The following KIF13B variants were observed in gnomAD, a reference collection of about 807,000 sequenced individuals.
KIF13B encodes kinesin-like protein KIF13B.
A neutral mutation model predicts 222.0 loss-of-function variants in KIF13B; 127 were observed. That is an observed-to-expected ratio of 0.57 (90% CI 0.50 to 0.66). The LOEUF is 0.66. Among genes scored for constraint, KIF13B ranks in the 30% least tolerant of loss-of-function variants. KIF13B has a pLI of 0.00. For synonymous variants in KIF13B, 976 were observed against 919.0 expected (o/e 1.06, Z -1.12); for missense variants, 2,173 against 2,379.0 (o/e 0.91, Z 1.80).
At chr8:29,107,598 T>C (rs1025003616) in intron 35 of KIF13B, among the ~76,000 whole-genome samples, 14 of 150,654 alleles carry the variant, frequency 9.3e-5, no homozygotes, top group Admixed American at 4.6e-4. Context: ...GTCTCGCTGT[T>C]GCCCAGGCTG....
intron 2 of KIF13B, among the ~76,000 whole-genome samples, chr8:29,229,847 G>T (rs773300766): frequency 6.6e-6 from 1 of 152,126 alleles, no homozygotes; most frequent in Non-Finnish European, 1.5e-5. Flanking sequence ...AAAAGCAAAA[G>T]GGCATCATTT....
chr8:29,137,586 G>T (rs1488126033), intron 21 of KIF13B, among the ~76,000 whole-genome samples: 1 of 152,188 alleles, frequency 6.6e-6, no homozygotes, highest in Non-Finnish European at 1.5e-5. Context: ...CACTCACCAC[G>T]CATGACATCT....
intron 12 of KIF13B, among the ~76,000 whole-genome samples, chr8:29,163,182 A>G (rs764223734): frequency 6.6e-5 from 10 of 152,260 alleles, no homozygotes; most frequent in African/African-American, 1.4e-4. Context: ...AGTTCTTTCT[A>G]TGCAAAAATA....
At chr8:29,255,323 G>C (rs1363578822) in intron 1 of KIF13B, among the ~76,000 whole-genome samples, 1 of 152,124 alleles carries the variant, frequency 6.6e-6, no homozygotes, top group Non-Finnish European at 1.5e-5. Flanking sequence ...GATGACCCCA[G>C]TACCCTCAAT....
In KIF13B at chr8:29,067,539, C is replaced by A. The variant is rs541591677; in HGVS notation, c.*2965G>T. The A allele has an allele frequency of 1.3e-5, 2 of 150,468 alleles. No homozygotes were observed. Among genetic ancestry groups the A allele is most frequent in the East Asian group, 3.8e-4 (2 of 5,198 alleles). The allele number at this position is 150,468 out of a possible 1,614,324, so 9.3% of individuals were successfully genotyped here. A position where few individuals can be genotyped will look rare whatever the true frequency, so the allele number is the denominator to read the frequency against. ...CACACATAGAGAAGCTGTTCCAAGACCCCCCAACACCATTAGTGTCTGCAG... is the reference window on the plus strand; with the variant it reads ...CACACATAGAGAAGCTGTTCCAAGAACCCCCAACACCATTAGTGTCTGCAG... On this transcript the variant is annotated 3_prime_UTR_variant, in exon 40 of 40. Transcript: ENST00000524189.
intron 2 of KIF13B, among the ~76,000 whole-genome samples, chr8:29,231,036 A>G (rs1815262607): frequency 6.6e-6 from 1 of 152,052 alleles, no homozygotes; most frequent in African/African-American, 2.4e-5. Context: ...ATGCACCACC[A>G]TGCCCAGGTG....
At chr8:29,167,183 T>TA (rs1279308085) in intron 11 of KIF13B, among the ~76,000 whole-genome samples, 190 bp downstream of exon 11, 1 of 152,226 alleles carries the variant, frequency 6.6e-6, no homozygotes, top group Non-Finnish European at 1.5e-5. Context: ...TTAACATCTG[T>TA]AAAACCTCTT....
chr8:29,244,183 T>C (rs1312704007), intron 2 of KIF13B, among the ~76,000 whole-genome samples: 1 of 152,078 alleles, frequency 6.6e-6, no homozygotes, highest in Non-Finnish European at 1.5e-5. Flanking sequence ...CCGGCTAATT[T>C]TTTGTATTTT....
At chr8:29,223,241 C>T (rs182508025) in intron 2 of KIF13B, among the ~76,000 whole-genome samples, 181 of 143,510 alleles carry the variant, frequency 1.3e-3, no homozygotes, top group African/African-American at 4.2e-3. Flanking sequence ...GGGGCTGAGG[C>T]GGGAGGATTG....
chr8:29,092,923 T>C (rs755354503), intron 36 of KIF13B, 45 bp from the exon 37 acceptor site: 3 of 1,529,836 alleles, frequency 2.0e-6, no homozygotes, highest in Non-Finnish European at 2.7e-6. Flanking sequence ...TACAATTACA[T>C]AGACATCTTC....
rs536508726 is a variant in KIF13B at position 29,090,147 on chromosome 8, C to T, written c.4458+2598G>A. Among the ~76,000 whole-genome samples the T allele has an allele frequency of 3.2e-4, 48 of 152,110 alleles. No homozygotes were observed. In the South Asian group the frequency reaches 8.9e-3, roughly 28 times the overall value. On this transcript the variant is annotated intron_variant, in intron 37 of 39. Transcript: ENST00000524189. ...GCTTATCTGGCTTAGTACTGGTGAG[C>T]GAATAAAGAAGAACGAAGATTCAAG...
intron 2 of KIF13B, among the ~76,000 whole-genome samples, chr8:29,199,157 T>C (rs773424634): frequency 1.3e-4 from 17 of 126,488 alleles, no homozygotes; most frequent in Non-Finnish European, 2.7e-4. Context: ...GTTACTGACA[T>C]GCTATCATCT....
Position 29,070,593 on chromosome 8 carries a change from C to T in KIF13B, c.5392G>A (p.Ala1798Thr), listed in dbSNP as rs370028815. 9.4e-6 allele frequency: 15 copies of T among 1,596,498 alleles called. No individual in the cohort carries two copies. In the Admixed American group the frequency reaches 1.7e-4, roughly 18 times the overall value. The change falls in exon 40 of 40, where the codon GCC becomes ACC. Residue 1798 changes from alanine to threonine, a missense_variant. Ala to Thr is a moderately conservative substitution (Grantham distance 58, BLOSUM62 0). Transcript: ENST00000524189. The surrounding 1 kb of genome is among the most constrained non-coding windows in gnomAD (Gnocchi z 4.1). Reference protein sequence around the residue: ...ARRSATLSGSATNLASLTAAL... With the variant: ...ARRSATLSGSTTNLASLTAAL... ...GCTGTCAGCGAGGCCAGGTTGGTGG[C>T]GGAGCCCGAGAGGGTGGCGCTCCGG...
intron 2 of KIF13B, among the ~76,000 whole-genome samples, chr8:29,201,471 G>A (rs1813688982): frequency 6.6e-6 from 1 of 152,128 alleles, no homozygotes. Flanking sequence ...TAATACTTCT[G>A]TCCATGACAC....
chr8:29,118,982 G>A lies in KIF13B; in HGVS notation c.3546C>T (p.Phe1182=), dbSNP rs767763537. 1 of 1,613,292 alleles carries A rather than the reference G, an allele frequency of 6.2e-7. No homozygotes were observed. Among genetic ancestry groups the A allele is most frequent in the South Asian group, 1.1e-5 (1 of 90,864 alleles). The change falls in exon 30 of 40, where the codon TTC becomes TTT. Residue 1182 remains phenylalanine, a synonymous_variant. Coordinates refer to ENST00000524189, the MANE Select transcript of KIF13B (RefSeq NM_015254.4). ...GGTCATCAAGATTATCCTGAGAGCTGAAATCATCAGCTAAAAGCAAAGAAG... is the reference window on the plus strand; with the variant it reads ...GGTCATCAAGATTATCCTGAGAGCTAAAATCATCAGCTAAAAGCAAAGAAG... ...VIFLDLNADD[F]SSQDNLDDPE...
At chr8:29,197,554 T>C (rs965956331) in intron 2 of KIF13B, among the ~76,000 whole-genome samples, 2 of 151,962 alleles carry the variant, frequency 1.3e-5, no homozygotes, top group African/African-American at 4.8e-5. Context: ...ACATATATGT[T>C]TTTTTTTCCT....
intron 21 of KIF13B, 92 bp downstream of exon 21, chr8:29,139,971 A>C: frequency 8.5e-7 from 1 of 1,181,222 alleles, no homozygotes; most frequent in Non-Finnish European, 1.2e-6. Context: ...AGGTTGGTGC[A>C]AAAGTAATTG....
chr8:29,209,261 C>G (rs533708331), intron 2 of KIF13B, among the ~76,000 whole-genome samples: 6 of 152,146 alleles, frequency 3.9e-5, no homozygotes, highest in Admixed American at 3.9e-4. Flanking sequence ...GGCAGTCGTA[C>G]CCAGGCTACA....
At chr8:29,212,863 T>C (rs1157322553) in intron 2 of KIF13B, among the ~76,000 whole-genome samples, 2 of 150,328 alleles carry the variant, frequency 1.3e-5, no homozygotes, top group Non-Finnish European at 1.5e-5. Flanking sequence ...TGAGGCACTA[T>C]GCTAAAGTAA....
Sources: allele counts gnomAD v4.1 joint callset (sites outside exome capture counted in the v4.1 genomes callset), GRCh38; gene constraint gnomAD v4.1.1; non-coding constraint Gnocchi (gnomAD v3.1); transcripts MANE v1.5; gene names NCBI Gene and HGNC (gene_info 2026-07-23, HGNC 2026-07-21).